SGCD: variants seen among roughly 807,000 people sequenced by gnomAD.
The protein encoded by SGCD is sarcoglycan delta.
A neutral mutation model predicts 36.6 loss-of-function variants in SGCD; 18 were observed. The observed-to-expected ratio is 0.49, with a 90% CI of 0.34 to 0.73. The LOEUF (loss-of-function observed/expected upper bound fraction) is 0.73, where lower values mean the gene tolerates loss of function less well. Ranked by LOEUF, SGCD falls within the 30% of genes least tolerant of loss-of-function variation. SGCD has a pLI of 0.01. For missense variants in SGCD, 387 were observed against 346.7 expected, an observed-to-expected ratio of 1.12 and a Z score of -0.92; for synonymous variants, 133 against 130.6, an observed-to-expected ratio of 1.02 and a Z score of -0.12.
intron 3 of SGCD, among the ~76,000 whole-genome samples, chr5:156,455,343 T>A (rs556917037): frequency 6.6e-6 from 1 of 152,300 alleles, no homozygotes; most frequent in East Asian, 1.9e-4. Context: ...CTAGCACAGA[T>A]GCCTTCATTC....
At chr5:156,676,562 C>T (rs1753520435) in intron 7 of SGCD, among the ~76,000 whole-genome samples, 2 of 152,094 alleles carry the variant, frequency 1.3e-5, no homozygotes, top group Admixed American at 1.3e-4. Context: ...TAGCTTGGGA[C>T]CTCAAGACAA....
chr5:156,006,811 C>G (rs1433076704), intron 1 of SGCD, among the ~76,000 whole-genome samples: 1 of 152,164 alleles, frequency 6.6e-6, no homozygotes, highest in Non-Finnish European at 1.5e-5. Context: ...TGTGAGCAGT[C>G]TAATCACTCA....
At chr5:156,065,575 C>T (rs1760324614) in intron 1 of SGCD, among the ~76,000 whole-genome samples, 1 of 25,804 alleles carries the variant, frequency 3.9e-5, no homozygotes, top group Non-Finnish European at 6.4e-5. Context: ...GAGTCTAAGT[C>T]TCTTTGTAGG....
chr5:155,752,772 G>T, the SGCD span, among the ~76,000 whole-genome samples: 106 of 152,244 alleles, frequency 7.0e-4, no homozygotes, highest in African/African-American at 1.3e-3. Context: ...ATATTTGCTG[G>T]ATAAATTAAC....
chr5:156,399,297 C>T (rs1772021028), intron 3 of SGCD, among the ~76,000 whole-genome samples: 1 of 152,174 alleles, frequency 6.6e-6, no homozygotes, highest in Admixed American at 6.6e-5. Flanking sequence ...TAGGATTTCT[C>T]AAGGTGCAAA....
chr5:156,068,399 T>A (rs1052800635), intron 1 of SGCD, among the ~76,000 whole-genome samples: 2 of 152,134 alleles, frequency 1.3e-5, no homozygotes, highest in African/African-American at 4.8e-5. Context: ...TGCGATACTT[T>A]ACTGAGAATG....
chr5:155,872,825 C>A (rs1165706903), intron 1 of SGCD, among the ~76,000 whole-genome samples: 1 of 152,130 alleles, frequency 6.6e-6, no homozygotes, highest in Admixed American at 6.6e-5. Flanking sequence ...ATAACATAGT[C>A]ATAGTCTGGG....
chr5:155,763,065 CCA>C, the SGCD span, among the ~76,000 whole-genome samples: 1 of 152,168 alleles, frequency 6.6e-6, no homozygotes, highest in African/African-American at 2.4e-5. Flanking sequence ...CACTTTTATT[CCA>C]GAGTAGTACA....
intron 6 of SGCD, among the ~76,000 whole-genome samples, chr5:156,618,335 A>G (rs938930617): frequency 6.6e-5 from 10 of 152,172 alleles, no homozygotes; most frequent in Non-Finnish European, 1.2e-4. Flanking sequence ...CTGGTTGTCT[A>G]GTTCTTCTGT....
intron 3 of SGCD, among the ~76,000 whole-genome samples, chr5:156,175,325 A>G (rs1399422061): frequency 6.6e-6 from 1 of 152,200 alleles, no homozygotes; most frequent in Non-Finnish European, 1.5e-5. Flanking sequence ...AAGTAGTAAA[A>G]TAAATAGTAA....
intron 1 of SGCD, among the ~76,000 whole-genome samples, chr5:155,877,651 T>A (rs171524): frequency 0.11 from 16,813 of 152,130 alleles, 991 homozygotes; most frequent in South Asian, 0.2. Context: ...TTTGTCCCAA[T>A]GTACTTAAGT....
chr5:156,440,289 C>T (rs1753427273), intron 3 of SGCD, among the ~76,000 whole-genome samples: 1 of 152,116 alleles, frequency 6.6e-6, no homozygotes, highest in South Asian at 2.1e-4. Flanking sequence ...TTTCATCCAT[C>T]AGTACTTTAT....
At chr5:155,951,301 G>A (rs1757543046) in intron 1 of SGCD, among the ~76,000 whole-genome samples, 1 of 152,112 alleles carries the variant, frequency 6.6e-6, no homozygotes, top group Non-Finnish European at 1.5e-5. Context: ...TCAAGACTGA[G>A]TGGACAAATC....
At chr5:155,976,320 T>C (rs116669418) in intron 1 of SGCD, among the ~76,000 whole-genome samples, 1 of 152,146 alleles carries the variant, frequency 6.6e-6, no homozygotes, top group Non-Finnish European at 1.5e-5. Context: ...ATTTGACATA[T>C]TTTGGATGTT....
At chr5:156,512,479 C>T (rs556677125) in intron 4 of SGCD, among the ~76,000 whole-genome samples, 21 of 152,134 alleles carry the variant, frequency 1.4e-4, no homozygotes, top group Non-Finnish European at 2.8e-4. Context: ...TAGTAGAGTA[C>T]ACCATCTAGG....
At chr5:156,082,936 A>AT (rs1235153032) in intron 1 of SGCD, among the ~76,000 whole-genome samples, 5 of 151,186 alleles carry the variant, frequency 3.3e-5, no homozygotes, top group Admixed American at 2.0e-4. Flanking sequence ...GTTGTCGCTA[A>AT]TTTTTTTTTT....
At chr5:156,391,502 A>T (rs1771567940) in intron 3 of SGCD, among the ~76,000 whole-genome samples, 1 of 152,266 alleles carries the variant, frequency 6.6e-6, no homozygotes, top group African/African-American at 2.4e-5. Context: ...GGATAGTTGC[A>T]TCTGTACTGA....
At chr5:156,472,454 G>A (rs992466482) in intron 3 of SGCD, among the ~76,000 whole-genome samples, 1 of 152,104 alleles carries the variant, frequency 6.6e-6, no homozygotes, top group African/African-American at 2.4e-5. Flanking sequence ...GTCTCACTCT[G>A]TAACCCAGTC....
chr5:156,233,796 G>A (rs999718987), intron 3 of SGCD, among the ~76,000 whole-genome samples: 2 of 152,130 alleles, frequency 1.3e-5, no homozygotes, highest in Non-Finnish European at 2.9e-5. Context: ...GGGGTATGAG[G>A]ATCACTTGAG....
Sources: gnomAD v4.1 joint callset for allele counts (sites outside exome capture counted in the v4.1 genomes callset) on GRCh38, gnomAD v4.1.1 for gene constraint, MANE v1.5 for transcripts, NCBI Gene and HGNC (gene_info 2026-07-23, HGNC 2026-07-21) for gene names.